Variants in LDB2 observed in about 807,000 individuals in gnomAD.
LDB2 encodes the protein LIM domain binding 2.
In LDB2, 12 loss-of-function variants were observed where a neutral mutation model predicts 44.3. That is an observed-to-expected ratio of 0.27 (90% CI 0.17 to 0.44). The LOEUF (loss-of-function observed/expected upper bound fraction) is 0.44, where lower values mean the gene tolerates loss of function less well. Among genes scored for constraint, LDB2 ranks in the 20% least tolerant of loss-of-function variants. The probability of loss-of-function intolerance (pLI) is 1.00; values close to 1 mark genes in which losing one functional copy is unlikely to be tolerated. For missense variants in LDB2, 344 were observed against 473.5 expected (o/e 0.73, Z 2.54); for synonymous variants, 164 against 174.8 (o/e 0.94, Z 0.49).
chr4:16,580,782 A>C (rs1261439991), intron 5 of LDB2, among the ~76,000 whole-genome samples: 1 of 152,232 alleles, frequency 6.6e-6, no homozygotes, highest in Non-Finnish European at 1.5e-5. Flanking sequence ...CATTTTACTC[A>C]ATGCCAGCCT....
At chr4:16,853,562 G>A (rs1389711715) in intron 1 of LDB2, among the ~76,000 whole-genome samples, 4 of 152,198 alleles carry the variant, frequency 2.6e-5, no homozygotes, top group East Asian at 1.9e-4. Flanking sequence ...ACGGAAAACA[G>A]GATGGAGGTT....
intron 1 of LDB2, among the ~76,000 whole-genome samples, chr4:16,851,511 T>C (rs1788244399): frequency 6.6e-6 from 1 of 151,748 alleles, no homozygotes; most frequent in Non-Finnish European, 1.5e-5. Context: ...AGAGAATCAC[T>C]TGAAACCAGG....
At chr4:16,720,620 G>A (rs1758064356) in intron 2 of LDB2, among the ~76,000 whole-genome samples, 1 of 152,116 alleles carries the variant, frequency 6.6e-6, no homozygotes, top group East Asian at 1.9e-4. Context: ...ACTCATCAAG[G>A]TCAATTGGTT....
At chr4:16,814,500 C>T (rs1004829009) in intron 1 of LDB2, among the ~76,000 whole-genome samples, 1 of 151,784 alleles carries the variant, frequency 6.6e-6, no homozygotes, top group African/African-American at 2.4e-5. Flanking sequence ...TCCCCCAAGC[C>T]TGATTCTTCA....
intron 2 of LDB2, among the ~76,000 whole-genome samples, chr4:16,742,309 A>T (rs1478533398): frequency 6.6e-6 from 1 of 151,958 alleles, no homozygotes; most frequent in Admixed American, 6.6e-5. Context: ...TGACCTTGTG[A>T]TCCGCCCACC....
At chr4:16,846,124 A>G (rs1388966147) in intron 1 of LDB2, among the ~76,000 whole-genome samples, 1 of 151,794 alleles carries the variant, frequency 6.6e-6, no homozygotes, top group Non-Finnish European at 1.5e-5. Context: ...AAAAAAAAAA[A>G]AAAAAAGTTA....
chr4:16,706,499 G>T (rs1004937743), intron 2 of LDB2, among the ~76,000 whole-genome samples: 4 of 152,186 alleles, frequency 2.6e-5, no homozygotes, highest in African/African-American at 9.7e-5. Flanking sequence ...AATGTCTGTT[G>T]TTTATAAGCC....
At chr4:16,656,549 A>T (rs1739907779) in intron 2 of LDB2, among the ~76,000 whole-genome samples, 1 of 152,242 alleles carries the variant, frequency 6.6e-6, no homozygotes, top group Admixed American at 6.5e-5. Context: ...AGTTAAATTT[A>T]AAAACGGAAG....
At chr4:16,646,858 A>T (rs749425545) in intron 2 of LDB2, among the ~76,000 whole-genome samples, 3 of 152,204 alleles carry the variant, frequency 2.0e-5, no homozygotes, top group Non-Finnish European at 2.9e-5. Flanking sequence ...TTAATAGAAA[A>T]GGGGAAAAGC....
At chr4:16,654,844 A>G (rs1739331325) in intron 2 of LDB2, among the ~76,000 whole-genome samples, 2 of 152,200 alleles carry the variant, frequency 1.3e-5, no homozygotes, top group South Asian at 2.1e-4. Context: ...TTATTTAGGC[A>G]CTATTTGATT....
At chr4:16,759,409 G>A (rs369165462) in intron 1 of LDB2, 149 bp from the exon 2 acceptor site, 207 of 594,504 alleles carry the variant, frequency 3.5e-4, no homozygotes, top group African/African-American at 3.2e-3. Flanking sequence ...GTAGGTGGGC[G>A]GTCACTCTTC....
intron 2 of LDB2, among the ~76,000 whole-genome samples, chr4:16,614,787 A>G (rs953213591): frequency 1.5e-4 from 23 of 151,956 alleles, no homozygotes; most frequent in African/African-American, 5.1e-4. Flanking sequence ...AAGTCAAGAA[A>G]CGGCCGGGCG....
At chr4:16,683,933 A>G (rs1263472484) in intron 2 of LDB2, among the ~76,000 whole-genome samples, 1 of 152,196 alleles carries the variant, frequency 6.6e-6, no homozygotes, top group Admixed American at 6.5e-5. Context: ...CTGCTTCTTA[A>G]CCACCCAGCT....
intron 1 of LDB2, among the ~76,000 whole-genome samples, chr4:16,853,161 T>C (rs1788624098): frequency 6.6e-6 from 1 of 152,214 alleles, no homozygotes; most frequent in Non-Finnish European, 1.5e-5. Flanking sequence ...TTAAATTTTC[T>C]ATTTTAATTA....
chr4:16,616,100 C>T (rs1727232136), intron 2 of LDB2, among the ~76,000 whole-genome samples: 1 of 152,176 alleles, frequency 6.6e-6, no homozygotes, highest in Non-Finnish European at 1.5e-5. Flanking sequence ...TTCATGGATA[C>T]TCACATTATA....
intron 2 of LDB2, among the ~76,000 whole-genome samples, chr4:16,690,957 C>T (rs1357744687): frequency 1.3e-5 from 2 of 152,096 alleles, no homozygotes; most frequent in Admixed American, 1.3e-4. Flanking sequence ...CTCTGATGTC[C>T]TGTTGTATCT....
At chr4:16,589,100 T>C in intron 3 of LDB2, among the ~76,000 whole-genome samples, 1 of 152,222 alleles carries the variant, frequency 6.6e-6, no homozygotes. Context: ...ACCCTCAGTT[T>C]CTTCATCTGT....
chr4:16,502,083 T>C lies in LDB2; in HGVS notation c.*560A>G, dbSNP rs1717654839. 6.5e-6 allele frequency: 1 copy of C among 153,392 alleles called. No individual in the cohort carries two copies. Among genetic ancestry groups the C allele is most frequent in the Admixed American group, 6.5e-5 (1 of 15,432 alleles). The allele number at this position is 153,392 out of a possible 1,614,324, so 9.5% of individuals were successfully genotyped here. A position where few individuals can be genotyped will look rare whatever the true frequency, so the allele number is the denominator to read the frequency against. ...CATAAATTACCTTGCTGGGCCCTCT[T>C]AGCTGTTGCCCAATGAAAGAAAACA... On this transcript the variant is annotated 3_prime_UTR_variant, in exon 8 of 8. Transcript: ENST00000304523.
At chr4:16,650,719 A>T (rs1380406526) in intron 2 of LDB2, among the ~76,000 whole-genome samples, 1 of 152,198 alleles carries the variant, frequency 6.6e-6, no homozygotes, top group Admixed American at 6.5e-5. Flanking sequence ...AGACACCCCC[A>T]AGACTACCAG....
Sources: gnomAD v4.1 joint callset for allele counts (sites outside exome capture counted in the v4.1 genomes callset) on GRCh38, gnomAD v4.1.1 for gene constraint, MANE v1.5 for transcripts, NCBI Gene and HGNC (gene_info 2026-07-23, HGNC 2026-07-21) for gene names.